SLC20A2: variants seen among roughly 807,000 people sequenced by gnomAD.
SLC20A2 encodes the protein sodium-dependent phosphate transporter 2.
SLC20A2 carries 30 observed loss-of-function variants against 61.0 expected under a neutral mutation model. The ratio of observed to expected loss-of-function variants is 0.49; its 90% CI spans 0.37 to 0.67. The LOEUF is 0.67. Among genes scored for constraint, SLC20A2 ranks in the 30% least tolerant of loss-of-function variants. SLC20A2 has a pLI of 0.00. For missense variants in SLC20A2, 626 were observed against 866.4 expected, an observed-to-expected ratio of 0.72 and a Z score of 3.48; for synonymous variants, 351 against 353.3, an observed-to-expected ratio of 0.99 and a Z score of 0.07.
At position 42,465,768 on chromosome 8, in the gene SLC20A2, G is replaced by T. The variant is rs1344614368; in HGVS notation, c.430+9C>A. The T allele has an allele frequency of 1.3e-6, 2 of 1,577,094 alleles. No homozygotes were observed. Among genetic ancestry groups the T allele is most frequent in the Non-Finnish European group, 1.7e-6 (2 of 1,167,260 alleles). On this transcript the variant is annotated intron_variant, in intron 3 of 10. Transcript: ENST00000520262. Reference sequence around the variant, plus strand: ...TTCCTTCTTATGGGTAAAAGAAAATGCCAATTACCAATCTTGACAAGCTCC... The same window carrying T: ...TTCCTTCTTATGGGTAAAAGAAAATTCCAATTACCAATCTTGACAAGCTCC...
chr8:42,496,411 T>C lies in SLC20A2; in HGVS notation c.-265+4620A>G, dbSNP rs542317196. Among the ~76,000 whole-genome samples, 3 of 152,302 alleles carry C rather than the reference T, an allele frequency of 2.0e-5. No homozygotes were observed. The South Asian group carries it at 6.2e-4, about 32-fold the overall frequency. On this transcript the variant is annotated intron_variant, in intron 1 of 10. Transcript: ENST00000520262. ...GGGCACAGGCATAACTAAATTCAGA[T>C]GCATTTCTATTACGTGCAAATAAAG...
In SLC20A2 at chr8:42,465,816, C is replaced by T. The variant is rs751587953; in HGVS notation, c.391G>A (p.Gly131Ser). 13 of 1,613,958 alleles carry T rather than the reference C, an allele frequency of 8.1e-6. No individual in the cohort carries two copies. In the East Asian group the frequency reaches 8.9e-5, roughly 11 times the overall value. The change falls in exon 3 of 11, where the codon GGT becomes AGT. Residue 131 changes from glycine to serine, a missense_variant. By Grantham distance (56) the Gly-to-Ser change is moderately conservative. Transcript: ENST00000520262. ...STIGFSLVAIGTKGVQWMELV... is the reference protein window; with the variant it reads ...STIGFSLVAISTKGVQWMELV... Reference sequence around the variant, plus strand: ...TCCATCCACTGCACACCTTTGGTACCGATTGCGACCAGTGAGAATCCTATA... The same window carrying T: ...TCCATCCACTGCACACCTTTGGTACTGATTGCGACCAGTGAGAATCCTATA...
At chr8:42,490,179 A>G (rs111627924) in intron 1 of SLC20A2, among the ~76,000 whole-genome samples, 17 of 152,344 alleles carry the variant, frequency 1.1e-4, no homozygotes, top group African/African-American at 3.8e-4. Flanking sequence ...TTCTCAGAAT[A>G]CAATAAAAAT....
chr8:42,514,899 G>A (rs1586247489), intron 1 of SLC20A2, among the ~76,000 whole-genome samples: 1 of 152,168 alleles, frequency 6.6e-6, no homozygotes, highest in East Asian at 1.9e-4. Context: ...GGCAGTGATG[G>A]AAAAAGAGAG....
In SLC20A2 at chr8:42,437,214, T is replaced by C; in HGVS notation, c.1298A>G (p.Tyr433Cys). ...TGCCACCGCGTTACAGTAGCTCGAGTAGCTGTCGTAGCGCAGCCTCTTCTT... is the reference window on the plus strand; with the variant it reads ...TGCCACCGCGTTACAGTAGCTCGAGCAGCTGTCGTAGCGCAGCCTCTTCTT... Reference protein sequence around the residue: ...YSKKRLRYDSYSSYCNAVAEA... With the variant: ...YSKKRLRYDSCSSYCNAVAEA... Residue 433 changes from tyrosine to cysteine, a missense_variant, in exon 8 of 11, where the codon TAC becomes TGC. Transcript: ENST00000520262. The surrounding 1 kb of genome is among the most constrained non-coding windows in gnomAD (Gnocchi z 6.4). 6.2e-7 allele frequency: 1 copy of C among 1,613,668 alleles called. No homozygotes were observed. The highest frequency in any genetic ancestry group is 8.5e-7 in the Non-Finnish European group (1 of 1,179,994).
At chr8:42,541,096 C>T (rs1345873674) in intron 1 of SLC20A2, 2 of 152,232 alleles carry the variant, frequency 1.3e-5, no homozygotes, top group Non-Finnish European at 2.9e-5. Flanking sequence ...TCCTCTGCGC[C>T]GCCCGGCTAC....
intron 1 of SLC20A2, among the ~76,000 whole-genome samples, chr8:42,534,137 T>C (rs1335808960): frequency 6.6e-6 from 1 of 151,786 alleles, no homozygotes; most frequent in East Asian, 1.9e-4. Flanking sequence ...GCCAATATGG[T>C]GAAACCTGTT....
rs960762771 is a variant in SLC20A2 at position 42,521,984 on chromosome 8, C to T, written c.-265+19837G>A. 5.0e-5 allele frequency among the ~76,000 whole-genome samples: 6 copies of T among 120,948 alleles called. 1 individual carries two copies. The highest frequency in any genetic ancestry group is 1.0e-4 in the African/African-American group (4 of 39,316). The allele number at this position is 120,948 out of a possible 152,430, so 79.3% of individuals were successfully genotyped here. ...GAGTAGAGGGTAAACAGGACCTCTC[C>T]GTACTACTTTTTTAACTTCCTGTGA... On this transcript the variant is annotated intron_variant, in intron 1 of 10. Transcript: ENST00000342228.
At chr8:42,461,303 T>C (rs76134275) in intron 4 of SLC20A2, among the ~76,000 whole-genome samples, 304 of 152,226 alleles carry the variant, frequency 2.0e-3, no homozygotes, top group African/African-American at 7.1e-3. Flanking sequence ...AACAAAATGC[T>C]GGGAGGCTCA....
rs558209904 is a variant in SLC20A2 at position 42,485,826 on chromosome 8, A to G, written c.-264-13172T>C. Reference sequence around the variant, plus strand: ...CTGGGCATGGTGGCGCATGCCTGTAATCCCAGCTACTCGAGAGGCTGAGGC... The same window carrying G: ...CTGGGCATGGTGGCGCATGCCTGTAGTCCCAGCTACTCGAGAGGCTGAGGC... On this transcript the variant is annotated intron_variant, in intron 1 of 10. Coordinates refer to ENST00000520262, the MANE Select transcript of SLC20A2 (RefSeq NM_001257180.2). Among the ~76,000 whole-genome samples, 164 of 151,400 alleles carry G rather than the reference A, an allele frequency of 1.1e-3. 1 individual carries two copies. The highest frequency in any genetic ancestry group is 3.4e-3 in the Middle Eastern group (1 of 292).
intron 5 of SLC20A2, among the ~76,000 whole-genome samples, chr8:42,456,007 A>G (rs1806166071): frequency 6.6e-6 from 1 of 152,126 alleles, no homozygotes. Context: ...AAGTATTTAT[A>G]TTAGTATTTA....
chr8:42,529,605 A>G (rs1435654800), intron 1 of SLC20A2, among the ~76,000 whole-genome samples: 1 of 152,236 alleles, frequency 6.6e-6, no homozygotes, highest in Non-Finnish European at 1.5e-5. Flanking sequence ...GAACCATGAA[A>G]GACAAAACCA....
rs868661540 is a variant in SLC20A2, at chr8:42,460,088, C to T, written c.517-96G>A. On this transcript the variant is annotated intron_variant, in intron 4 of 10. Coordinates refer to ENST00000520262, the MANE Select transcript of SLC20A2 (RefSeq NM_001257180.2). The stretch of plus-strand genomic sequence containing the variant: ...TGATACAAAATACTGTTACAAGAAA[C>T]TCTTCCCAAACCCCAGTGTGGCCAA... The T allele has an allele frequency of 4.2e-6, 3 of 713,902 alleles. No homozygotes were observed. In the South Asian group the frequency reaches 4.8e-5, roughly 11 times the overall value. The allele number at this position is 713,902 out of a possible 1,614,324, so 44.2% of individuals were successfully genotyped here.
At chr8:42,532,288 C>T (rs1219100598) in intron 1 of SLC20A2, among the ~76,000 whole-genome samples, 1 of 152,176 alleles carries the variant, frequency 6.6e-6, no homozygotes, top group Non-Finnish European at 1.5e-5. Flanking sequence ...GCTTTCAGAT[C>T]TCAGTCCAAT....
At chr8:42,535,334 G>A (rs1246656434) in intron 1 of SLC20A2, 1 of 151,680 alleles carries the variant, frequency 6.6e-6, no homozygotes, top group African/African-American at 2.4e-5. Context: ...CCAAGGAGAT[G>A]CCTTTAAAAA....
At chr8:42,465,008 C>A (rs1444526163) in intron 3 of SLC20A2, among the ~76,000 whole-genome samples, 2 of 151,982 alleles carry the variant, frequency 1.3e-5, no homozygotes, top group Non-Finnish European at 2.9e-5. Context: ...CAAAACATAA[C>A]AAAACAAAAC....
intron 8 of SLC20A2, among the ~76,000 whole-genome samples, chr8:42,432,057 C>T (rs1234038209): frequency 1.3e-5 from 2 of 152,208 alleles, no homozygotes; most frequent in Non-Finnish European, 2.9e-5. Flanking sequence ...AGTCTTATTA[C>T]TTAAGAAATA....
At chr8:42,487,430 G>T (rs1006482348) in intron 1 of SLC20A2, among the ~76,000 whole-genome samples, 2 of 151,794 alleles carry the variant, frequency 1.3e-5, no homozygotes, top group Non-Finnish European at 2.9e-5. Context: ...ACCTGCCTCG[G>T]CCTCCCAAAG....
intron 1 of SLC20A2, among the ~76,000 whole-genome samples, chr8:42,481,688 G>A (rs1329317250): frequency 6.6e-6 from 1 of 152,184 alleles, no homozygotes. Flanking sequence ...GTGAGCCACA[G>A]GATTGTCCTG....
Sources: allele counts gnomAD v4.1 joint callset (sites outside exome capture counted in the v4.1 genomes callset), GRCh38; gene constraint gnomAD v4.1.1; non-coding constraint Gnocchi (gnomAD v3.1); transcripts MANE v1.5; gene names NCBI Gene and HGNC (gene_info 2026-07-23, HGNC 2026-07-21).